Variants in PCCB observed in about 807,000 individuals in gnomAD.
PCCB encodes the protein propionyl-CoA carboxylase subunit beta.
Under a neutral mutation model 60.7 loss-of-function variants are expected in PCCB, and 43 were observed. That is an observed-to-expected ratio of 0.71 (90% CI 0.55 to 0.91). The LOEUF (loss-of-function observed/expected upper bound fraction) is 0.91. Among genes scored for constraint, PCCB ranks in the 40% least tolerant of loss-of-function variants. The pLI is 0.00. For missense variants in PCCB, 766 were observed against 702.8 expected, an observed-to-expected ratio of 1.09 and a Z score of -1.02; for synonymous variants, 276 against 255.9, an observed-to-expected ratio of 1.08 and a Z score of -0.75.
At chr3:136,323,424 T>C (rs1043295841) in intron 10 of PCCB, among the ~76,000 whole-genome samples, 2 of 152,214 alleles carry the variant, frequency 1.3e-5, no homozygotes, top group Admixed American at 6.5e-5. Context: ...TCCAGAATTT[T>C]TCATTATTTT....
intron 8 of PCCB, 42 bp downstream of exon 8, chr3:136,298,114 A>AGCTT: frequency 6.2e-7 from 1 of 1,613,462 alleles, no homozygotes; most frequent in Middle Eastern, 1.7e-4. Flanking sequence ...TTTGCAGTGT[A>AGCTT]GCTTGCCTTT....
In PCCB at chr3:136,260,631, TGG is replaced by T. The variant is rs373042366; in HGVS notation, c.429+99_429+100del. On this transcript the variant is annotated intron_variant, in intron 4 of 14. Coordinates refer to ENST00000251654, the MANE Select transcript of PCCB (RefSeq NM_000532.5). ...GGTACAAGACACTGAGCTAGGTACT[TGG>T]GGTAGGGCAGAGGTATGCAAGATGT... 1.6e-5 allele frequency: 17 copies of T among 1,055,774 alleles called. No homozygotes were observed. In the Middle Eastern group the frequency reaches 8.5e-4, roughly 53 times the overall value. 65.4% of individuals were successfully genotyped at this position (1,055,774 alleles called of 1,614,324 possible).
chr3:136,257,765 A>T (rs1405016092), intron 3 of PCCB, among the ~76,000 whole-genome samples: 1 of 152,088 alleles, frequency 6.6e-6, no homozygotes, highest in Non-Finnish European at 1.5e-5. Context: ...GCGAAACTCC[A>T]TCTCTACTAA....
intron 9 of PCCB, among the ~76,000 whole-genome samples, chr3:136,309,347 A>T (rs1468054006): frequency 6.6e-6 from 1 of 152,142 alleles, no homozygotes; most frequent in East Asian, 1.9e-4. Context: ...TTTCAGAATA[A>T]ATCCAAGAAA....
intron 1 of PCCB, among the ~76,000 whole-genome samples, chr3:136,254,518 C>CTTT (rs3994953): frequency 0.17 from 7,916 of 45,894 alleles, 1,718 homozygotes; most frequent in East Asian, 0.33. Flanking sequence ...CTGCGGCTAG[C>CTTT]TTTTTTTTTT....
At chr3:136,288,289 T>C (rs1933514670) in intron 6 of PCCB, among the ~76,000 whole-genome samples, 1 of 152,208 alleles carries the variant, frequency 6.6e-6, no homozygotes, top group African/African-American at 2.4e-5. Flanking sequence ...TGATACTGTT[T>C]TTCTTTTAAT....
Position 136,298,050 on chromosome 3 carries a change from G to A in PCCB, c.862G>A (p.Val288Ile), listed in dbSNP as rs201984177. 1.8e-4 allele frequency: 292 copies of A among 1,614,108 alleles called. No homozygotes were observed. Among genetic ancestry groups the A allele is most frequent in the Admixed American group, 5.0e-4 (30 of 60,026 alleles). ...CCTGAGCAGTCAGGACCCGGCTCCC[G>A]TCCGTGAGTGCCACGATCCCAGGTG... ...LPLSSQDPAPVRECHDPSDRL... is the reference protein window; with the variant it reads ...LPLSSQDPAPIRECHDPSDRL... The change falls in exon 8 of 15, where the codon GTC (valine) becomes ATC (isoleucine). Residue 288 changes from valine (V) to isoleucine (I), a missense_variant. Physicochemically the swap from Val to Ile is conservative, Grantham distance 29. Transcript: ENST00000251654.
chr3:136,318,467 T>G (rs1021922036), intron 10 of PCCB, among the ~76,000 whole-genome samples: 2 of 152,244 alleles, frequency 1.3e-5, no homozygotes, highest in Non-Finnish European at 2.9e-5. Context: ...CCGCAGTGAT[T>G]ACATACAAAG....
chr3:136,325,821 AC>A (rs1935285965), intron 10 of PCCB, among the ~76,000 whole-genome samples: 1 of 151,870 alleles, frequency 6.6e-6, no homozygotes, highest in Non-Finnish European at 1.5e-5. Context: ...ATGATGTATT[AC>A]TGTTTTTTTG....
At chr3:136,281,223 T>C (rs1279814480) in intron 5 of PCCB, among the ~76,000 whole-genome samples, 1 of 152,124 alleles carries the variant, frequency 6.6e-6, no homozygotes, top group Non-Finnish European at 1.5e-5. Flanking sequence ...TGACCCTTTC[T>C]TTCTGTTCTT....
chr3:136,298,166 A>G (rs1934022753), intron 8 of PCCB, 94 bp downstream of exon 8: 1 of 1,519,154 alleles, frequency 6.6e-7, no homozygotes, highest in Non-Finnish European at 9.1e-7. Flanking sequence ...TTGTTGGGCA[A>G]GTTGCAGCAG....
intron 1 of PCCB, among the ~76,000 whole-genome samples, chr3:136,252,106 G>A (rs999709557): frequency 6.7e-5 from 10 of 148,186 alleles, no homozygotes; most frequent in Non-Finnish European, 1.3e-4. Flanking sequence ...GGTCTTGTAC[G>A]CCTGACCTCA....
chr3:136,296,357 A>G (rs1388333138), intron 7 of PCCB, among the ~76,000 whole-genome samples: 3 of 152,230 alleles, frequency 2.0e-5, no homozygotes, highest in Admixed American at 6.5e-5. Context: ...ATGGAATCAT[A>G]TAATATGTGA....
At chr3:136,257,489 C>T (rs1242283480) in intron 3 of PCCB, among the ~76,000 whole-genome samples, 1 of 152,172 alleles carries the variant, frequency 6.6e-6, no homozygotes, top group East Asian at 1.9e-4. Flanking sequence ...TGTGTTGTTT[C>T]AAGGCACTGA....
At chr3:136,302,211 G>A (rs1406477661) in intron 9 of PCCB, among the ~76,000 whole-genome samples, 1 of 65,788 alleles carries the variant, frequency 1.5e-5, no homozygotes, top group African/African-American at 3.1e-5. Flanking sequence ...GAACACTTGC[G>A]GAAATATCTG....
intron 5 of PCCB, among the ~76,000 whole-genome samples, chr3:136,268,112 A>ATATATATATG (rs1174865311): frequency 7.5e-6 from 1 of 132,496 alleles, no homozygotes; most frequent in African/African-American, 3.1e-5. Context: ...ATATATATAT[A>ATATATATATG]TATATATATG....
At chr3:136,324,723 C>A (rs548416507) in intron 10 of PCCB, among the ~76,000 whole-genome samples, 2 of 152,028 alleles carry the variant, frequency 1.3e-5, no homozygotes, top group Non-Finnish European at 2.9e-5. Context: ...TGGATAAGTT[C>A]TGAGTTAGGT....
chr3:136,261,481 G>A (rs1214124786), intron 4 of PCCB, among the ~76,000 whole-genome samples: 5 of 152,106 alleles, frequency 3.3e-5, no homozygotes, highest in East Asian at 3.9e-4. Context: ...TTATGCTGTC[G>A]GAATTACTAA....
chr3:136,255,565 C>G, intron 1 of PCCB: 1 of 437,472 alleles, frequency 2.3e-6, no homozygotes, highest in Non-Finnish European at 4.3e-6. Context: ...TAATTGTGTT[C>G]CAGGGTCAGG....
Sources: gnomAD v4.1 joint callset for allele counts (sites outside exome capture counted in the v4.1 genomes callset) on GRCh38, gnomAD v4.1.1 for gene constraint, MANE v1.5 for transcripts, NCBI Gene and HGNC (gene_info 2026-07-23, HGNC 2026-07-21) for gene names.